Variants in ATP9A observed in about 807,000 individuals in gnomAD.
ATP9A encodes ATPase phospholipid transporting 9A.
Under a neutral mutation model 144.1 loss-of-function variants are expected in ATP9A, and 52 were observed. The observed-to-expected ratio is 0.36, with a 90% CI of 0.29 to 0.45. The LOEUF is 0.45. ATP9A is among the 20% of genes least tolerant of loss of function. The probability of loss-of-function intolerance (pLI) is 1.00; values close to 1 mark genes in which losing one functional copy is unlikely to be tolerated. For synonymous variants in ATP9A, 582 were observed against 557.4 expected (o/e 1.04, Z -0.62); for missense variants, 947 against 1,392.7 (o/e 0.68, Z 5.09).
chr20:51,766,420 A>G (rs550816340), intron 1 of ATP9A, among the ~76,000 whole-genome samples: 262 of 152,314 alleles, frequency 1.7e-3, no homozygotes, highest in African/African-American at 6.1e-3. Context: ...ATAATTGCTC[A>G]TGGCACAAAT....
intron 3 of ATP9A, among the ~76,000 whole-genome samples, chr20:51,719,749 G>GAA (rs1343871320): frequency 3.9e-5 from 5 of 128,578 alleles, no homozygotes; most frequent in Non-Finnish European, 3.1e-5. Flanking sequence ...AAAAAAAGGG[G>GAA]GGGGAAGAAG....
intron 15 of ATP9A, among the ~76,000 whole-genome samples, chr20:51,638,070 T>TA (rs60423765): frequency 0.066 from 2,133 of 32,200 alleles, 311 homozygotes; most frequent in East Asian, 0.14. Flanking sequence ...ATTTCATCAT[T>TA]TTATATATAT....
chr20:51,666,679 TAA>T lies in ATP9A; in HGVS notation c.1293+3316_1293+3317del, dbSNP rs11308492. 1.2e-3 allele frequency among the ~76,000 whole-genome samples: 163 copies of T among 135,294 alleles called. 2 individuals are homozygous for T. The highest frequency in any genetic ancestry group is 3.6e-3 in the Middle Eastern group (1 of 278). 88.8% of individuals were successfully genotyped at this position (135,294 alleles called of 152,430 possible). A position where few individuals can be genotyped will look rare whatever the true frequency, so the allele number is the denominator to read the frequency against. ...TGGGCAACAGAGTGAGACTGTGTCT[TAA>T]AAAAAAAAAAAAAAGAAAGAAAGAA... On this transcript the variant is annotated intron_variant, in intron 13 of 27. Coordinates refer to ENST00000338821, the MANE Select transcript of ATP9A (RefSeq NM_006045.3).
intron 1 of ATP9A, among the ~76,000 whole-genome samples, chr20:51,741,604 G>A (rs942911657): frequency 6.6e-6 from 1 of 152,118 alleles, no homozygotes; most frequent in Non-Finnish European, 1.5e-5. Flanking sequence ...AATAAAAAAG[G>A]AAGTGGACCT....
At chr20:51,664,982 G>A (rs910481523) in intron 13 of ATP9A, among the ~76,000 whole-genome samples, 15 of 150,690 alleles carry the variant, frequency 1.0e-4, no homozygotes, top group South Asian at 2.1e-4. Flanking sequence ...TGCCCGCCTC[G>A]GCCTCCCAAA....
intron 23 of ATP9A, among the ~76,000 whole-genome samples, chr20:51,610,590 C>T (rs980254536): frequency 6.6e-6 from 1 of 152,146 alleles, no homozygotes; most frequent in African/African-American, 2.4e-5. Context: ...CTACTATCAC[C>T]CACACTTTAC....
chr20:51,609,109 T>C (rs1447210291), intron 24 of ATP9A, among the ~76,000 whole-genome samples: 1 of 152,006 alleles, frequency 6.6e-6, no homozygotes, highest in Non-Finnish European at 1.5e-5. Flanking sequence ...GTGGCTGTCA[T>C]GTCTGAAGAA....
chr20:51,751,073 G>A (rs958047951), intron 1 of ATP9A, among the ~76,000 whole-genome samples: 1 of 152,070 alleles, frequency 6.6e-6, no homozygotes, highest in African/African-American at 2.4e-5. Context: ...GAAGAAGGGA[G>A]GGGCATCAGG....
At chr20:51,767,940 T>C (rs535744355) in intron 1 of ATP9A, among the ~76,000 whole-genome samples, 24 of 152,300 alleles carry the variant, frequency 1.6e-4, no homozygotes, top group South Asian at 8.3e-4. Flanking sequence ...CCTCAGATAT[T>C]AATTACGGAC....
chr20:51,761,831 C>T (rs1315666745), intron 1 of ATP9A, among the ~76,000 whole-genome samples: 1 of 152,072 alleles, frequency 6.6e-6, no homozygotes, highest in Non-Finnish European at 1.5e-5. Flanking sequence ...CAGTTAGGTC[C>T]GAAGTCCAAA....
intron 19 of ATP9A, among the ~76,000 whole-genome samples, chr20:51,620,193 T>C (rs1025023897): frequency 4.6e-5 from 7 of 152,132 alleles, no homozygotes; most frequent in African/African-American, 1.7e-4. Context: ...TCTGCCGTTG[T>C]AATCCAAAAG....
At chr20:51,656,745 C>A (rs1227070221) in intron 14 of ATP9A, among the ~76,000 whole-genome samples, 193 bp downstream of exon 14, 3 of 152,120 alleles carry the variant, frequency 2.0e-5, no homozygotes, top group African/African-American at 7.2e-5. Context: ...TCAGACTATA[C>A]CTCAAGTCCA....
chr20:51,613,358 T>C (rs1182673479), intron 23 of ATP9A, among the ~76,000 whole-genome samples: 1 of 152,210 alleles, frequency 6.6e-6, no homozygotes, highest in African/African-American at 2.4e-5. Context: ...ACTTGCCCCA[T>C]GCCAGGCACT....
chr20:51,629,424 G>A (rs1279360932), intron 15 of ATP9A, among the ~76,000 whole-genome samples: 1 of 152,208 alleles, frequency 6.6e-6, no homozygotes, highest in Non-Finnish European at 1.5e-5. Flanking sequence ...TCCACTGAAA[G>A]AATAGGGAAG....
chr20:51,648,182 G>A (rs991544494), intron 14 of ATP9A, among the ~76,000 whole-genome samples: 4 of 152,124 alleles, frequency 2.6e-5, no homozygotes, highest in African/African-American at 9.7e-5. Flanking sequence ...CAGGCATGGA[G>A]GGGAACTGCA....
chr20:51,734,818 C>T, intron 1 of ATP9A: 1 of 216,412 alleles, frequency 4.6e-6, no homozygotes, highest in South Asian at 7.9e-5. Flanking sequence ...CACGCCGAGG[C>T]TATCAAGACC....
At chr20:51,744,117 C>T (rs973984020) in intron 1 of ATP9A, among the ~76,000 whole-genome samples, 13 of 152,240 alleles carry the variant, frequency 8.5e-5, no homozygotes, top group African/African-American at 2.4e-4. Flanking sequence ...TAAATAACTT[C>T]GTTTACACTG....
intron 10 of ATP9A, among the ~76,000 whole-genome samples, chr20:51,674,542 C>G (rs530041915): frequency 1.3e-5 from 2 of 152,232 alleles, no homozygotes; most frequent in Admixed American, 1.3e-4. Context: ...GTGTTCATAA[C>G]AGGCATCCAA....
intron 14 of ATP9A, among the ~76,000 whole-genome samples, chr20:51,650,135 C>G (rs770444933): frequency 6.6e-6 from 1 of 152,204 alleles, no homozygotes; most frequent in Non-Finnish European, 1.5e-5. Context: ...GCTGAGGTCA[C>G]AGTGCAATGA....
Sources: allele counts gnomAD v4.1 joint callset (sites outside exome capture counted in the v4.1 genomes callset), GRCh38; gene constraint gnomAD v4.1.1; transcripts MANE v1.5; gene names NCBI Gene and HGNC (gene_info 2026-07-23, HGNC 2026-07-21).